ETFDH: variants seen among roughly 807,000 people sequenced by gnomAD.
The protein encoded by ETFDH is electron transfer flavoprotein dehydrogenase, also known as electron transfer flavoprotein-ubiquinone oxidoreductase, mitochondrial.
In ETFDH, 61 loss-of-function variants were observed where a neutral mutation model predicts 73.2. The observed-to-expected ratio is 0.83, with a 90% CI of 0.68 to 1.03. The LOEUF is 1.03. Ranked by LOEUF, ETFDH falls within the 50% of genes least tolerant of loss-of-function variation. The pLI, the probability that ETFDH is intolerant of heterozygous loss-of-function variation, is 0.00. For missense variants in ETFDH, 685 were observed against 745.0 expected (o/e 0.92, Z 0.94); for synonymous variants, 243 against 253.3 (o/e 0.96, Z 0.39).
chr4:158,699,087 G>C lies in ETFDH; in HGVS notation c.1073G>C (p.Arg358Thr), dbSNP rs796051959. 1.9e-6 allele frequency: 3 copies of C among 1,613,906 alleles called. No individual in the cohort carries two copies. The highest frequency in any genetic ancestry group is 2.5e-6 in the Non-Finnish European group (3 of 1,179,938). ...SIRPTLEGGKRIAYGARALNE... is the reference protein window; with the variant it reads ...SIRPTLEGGKTIAYGARALNE... ...CGGCCAACCTTGGAAGGTGGAAAAA[G>C]GATTGCATACGGAGCCAGAGCTCTC... Residue 358 changes from arginine to threonine, a missense_variant, in exon 9 of 13, where the codon AGG becomes ACG. Coordinates refer to ENST00000511912, the MANE Select transcript of ETFDH (RefSeq NM_004453.4).
chr4:158,684,687 A>C lies in ETFDH; in HGVS notation c.487+14A>C. 7.7e-7 allele frequency: 1 copy of C among 1,300,448 alleles called. No individual in the cohort carries two copies. Among genetic ancestry groups the C allele is most frequent in the Non-Finnish European group, 1.1e-6 (1 of 894,012 alleles). The allele number at this position is 1,300,448 out of a possible 1,614,324, so 80.6% of individuals were successfully genotyped here. A position where few individuals can be genotyped will look rare whatever the true frequency, so the allele number is the denominator to read the frequency against. On this transcript the variant is annotated intron_variant, in intron 4 of 12. Coordinates refer to ENST00000511912, the MANE Select transcript of ETFDH (RefSeq NM_004453.4). Reference sequence around the variant, plus strand: ...CAATTCTTCCAGGTAAGGTATAGTGAATATGCATAGAACTATGGAATTCCA... The same window carrying C: ...CAATTCTTCCAGGTAAGGTATAGTGCATATGCATAGAACTATGGAATTCCA...
Position 158,706,334 on chromosome 4 carries a change from A to G in ETFDH, c.1431A>G (p.Ile477Met), listed in dbSNP as rs2126315307. The stretch of plus-strand genomic sequence containing the variant: ...TTTACACTGGAATCTTTTACTGGAT[A>G]TTGAGAGGAATGGAGCCGTGGACTC... Reference protein sequence around the residue: ...GMIYTGIFYWILRGMEPWTLK... With the variant: ...GMIYTGIFYWMLRGMEPWTLK... Residue 477 changes from isoleucine (I) to methionine (M), a missense_variant, in exon 11 of 13, where the codon ATA becomes ATG. By Grantham distance (10) the Ile-to-Met change is conservative. This residue lies in a region of ETFDH where 201 missense variants were observed against 225.2 expected (regional missense o/e 0.89). Transcript: ENST00000511912. 1 of 1,613,664 alleles carries G rather than the reference A, an allele frequency of 6.2e-7. No homozygotes were observed. The highest frequency in any genetic ancestry group is 1.7e-5 in the Admixed American group (1 of 60,022).
rs145487395 is a variant in ETFDH at position 158,693,156 on chromosome 4, C to T, written c.685-2341C>T. ...TCTCCCTGCGATTTCACTGAAACAG[C>T]TCTTGTTAGAGTCACAAATACCTCC... On this transcript the variant is annotated intron_variant, in intron 6 of 12. Transcript: ENST00000511912. Among the ~76,000 whole-genome samples, 232 of 152,274 alleles carry T rather than the reference C, an allele frequency of 1.5e-3. 3 individuals carry two copies. Among genetic ancestry groups the T allele is most frequent in the African/African-American group, 5.1e-3 (211 of 41,552 alleles).
chr4:158,679,310 A>G (rs1376578107), intron 1 of ETFDH: 1 of 152,150 alleles, frequency 6.6e-6, no homozygotes, highest in Non-Finnish European at 1.5e-5. Flanking sequence ...CAAGATGAAC[A>G]GAGCCTGAGA....
intron 11 of ETFDH, 29 bp from the exon 12 acceptor site, chr4:158,706,597 TTTG>T: frequency 6.4e-7 from 1 of 1,551,846 alleles, no homozygotes; most frequent in Non-Finnish European, 8.9e-7. Context: ...AAAATCATAT[TTTG>T]TTAAGCATTT....
At chr4:158,694,031 A>G (rs368018092) in intron 6 of ETFDH, among the ~76,000 whole-genome samples, 70 of 152,322 alleles carry the variant, frequency 4.6e-4, no homozygotes, top group African/African-American at 1.6e-3. Flanking sequence ...CACTCAATCT[A>G]GAATAGCTGG....
chr4:158,682,702 T>A lies in ETFDH; in HGVS notation c.405+278T>A, dbSNP rs545956761. ...GCACCTGCCAACACTCCCAGCTAAT[T>A]TTTTGTATTTTTAGTAGAGACAGGG... On this transcript the variant is annotated intron_variant, in intron 3 of 12. Coordinates refer to ENST00000511912, the MANE Select transcript of ETFDH (RefSeq NM_004453.4). 3.9e-5 allele frequency among the ~76,000 whole-genome samples: 6 copies of A among 151,964 alleles called. No homozygotes were observed. The South Asian group carries it at 1.2e-3, about 32-fold the overall frequency.
chr4:158,706,482 T>G, intron 11 of ETFDH, 111 bp downstream of exon 11: 2 of 1,125,094 alleles, frequency 1.8e-6, no homozygotes, highest in South Asian at 2.5e-5. Context: ...AATTATAAAT[T>G]TAGTGTCTAA....
intron 1 of ETFDH, chr4:158,679,938 A>T (rs1374668753): frequency 6.6e-6 from 1 of 151,602 alleles, no homozygotes; most frequent in Non-Finnish European, 1.5e-5. Context: ...TCCAAAAATT[A>T]GCTGGGTGTG....
chr4:158,680,577 T>C lies in ETFDH; in HGVS notation c.145T>C (p.Tyr49His). ...VPRITTHYTI[Y>H]PRDKDKRWEG... Reference sequence around the variant, plus strand: ...TCGAATTACTACCCATTATACTATTTATCCCCGGGATAAGGACAAGAGATG... The same window carrying C: ...TCGAATTACTACCCATTATACTATTCATCCCCGGGATAAGGACAAGAGATG... Residue 49 changes from tyrosine (Y) to histidine (H), a missense_variant, in exon 2 of 13, where the codon TAT becomes CAT. Physicochemically the swap from Tyr to His is moderately conservative, Grantham distance 83. Around this residue, in one of 3 missense-constraint regions of ETFDH, gnomAD observed 405 missense variants for 399.3 expected, o/e 1.01. Transcript: ENST00000511912. The C allele has an allele frequency of 1.2e-6, 2 of 1,610,446 alleles. No homozygotes were observed. The highest frequency in any genetic ancestry group is 2.2e-5 in the South Asian group (2 of 91,020).
chr4:158,704,605 A>G (rs75369557), intron 10 of ETFDH, among the ~76,000 whole-genome samples: 1 of 152,156 alleles, frequency 6.6e-6, no homozygotes, highest in Admixed American at 6.5e-5. Flanking sequence ...GGTACATTAT[A>G]TTACTTACTT....
chr4:158,703,450 G>A lies in ETFDH; in HGVS notation c.1144G>A (p.Gly382Ser), dbSNP rs2126309213. The change falls in exon 10 of 13, where the codon GGT becomes AGT. Residue 382 changes from glycine to serine, a missense_variant. Physicochemically the swap from Gly to Ser is moderately conservative, Grantham distance 56. This residue lies in a region of ETFDH where 79 missense variants were observed against 120.5 expected (regional missense o/e 0.66). Transcript: ENST00000511912. ...QSIPKLTFPG[G>S]LLIGCSPGFM... ...TATACCAAAACTCACCTTTCCTGGT[G>A]GTTTACTAATTGGTTGTAGTCCTGG... 6.2e-7 allele frequency: 1 copy of A among 1,612,170 alleles called. No individual in the cohort carries two copies. Among genetic ancestry groups the A allele is most frequent in the Non-Finnish European group, 8.5e-7 (1 of 1,178,360 alleles).
At chr4:158,707,781 GTTCTC>G (rs1472467476) in intron 12 of ETFDH, among the ~76,000 whole-genome samples, 1 of 152,202 alleles carries the variant, frequency 6.6e-6, no homozygotes, top group Non-Finnish European at 1.5e-5. Flanking sequence ...AAAGGAGAAA[GTTCTC>G]TATAAAGAGA....
At position 158,707,305 on chromosome 4, in the gene ETFDH, A is replaced by AT. The variant is rs751497217; in HGVS notation, c.1690+456dup. 6.8e-4 allele frequency among the ~76,000 whole-genome samples: 104 copies of AT among 152,224 alleles called. 1 individual carries two copies. The highest frequency in any genetic ancestry group is 1.9e-4 in the Non-Finnish European group (13 of 68,034). ...TACAGTAATAGGAACCAGGTCTCAA[A>AT]TGATATGGTAGAACAAAATAGTATT... On this transcript the variant is annotated intron_variant, in intron 12 of 12. Transcript: ENST00000511912.
intron 6 of ETFDH, 77 bp from the exon 7 acceptor site, chr4:158,695,420 T>C: frequency 8.6e-7 from 1 of 1,163,026 alleles, no homozygotes; most frequent in Non-Finnish European, 1.3e-6. Context: ...GAATCATAGT[T>C]CAATTTAAAT....
intron 3 of ETFDH, among the ~76,000 whole-genome samples, chr4:158,683,268 C>T (rs781775531): frequency 2.8e-4 from 43 of 152,080 alleles, no homozygotes; most frequent in Non-Finnish European, 4.4e-4. Context: ...TCAATTTTTT[C>T]TTCTCTAAGA....
chr4:158,709,496 C>T lies in ETFDH; in HGVS notation c.*969C>T, dbSNP rs912427265. On this transcript the variant is annotated 3_prime_UTR_variant, in exon 13 of 13. Transcript: ENST00000511912. ...GCAGTGAGCCGAGATTGCGCCACCG[C>T]ACTCCAGCCTGGGTGACAGAGCAAG... is the stretch of plus-strand genomic sequence containing the variant. The T allele has an allele frequency of 7.7e-5, 23 of 297,826 alleles. No homozygotes were observed. Among genetic ancestry groups the T allele is most frequent in the Admixed American group, 3.1e-4 (6 of 19,402 alleles). The allele number at this position is 297,826 out of a possible 1,614,324, so 18.4% of individuals were successfully genotyped here.
chr4:158,703,699 A>G (rs1200963112), intron 10 of ETFDH, 108 bp downstream of exon 10: 6 of 731,606 alleles, frequency 8.2e-6, no homozygotes, highest in African/African-American at 1.7e-5. Context: ...GAAAGTATTA[A>G]TAAGCATGCT....
chr4:158,689,182 T>A (rs184352853), intron 5 of ETFDH, among the ~76,000 whole-genome samples: 118 of 152,358 alleles, frequency 7.7e-4, no homozygotes, highest in African/African-American at 2.4e-3. Flanking sequence ...CAGTTTTTTT[T>A]ATTTGTTTTT....
Sources: allele counts gnomAD v4.1 joint callset (sites outside exome capture counted in the v4.1 genomes callset), GRCh38; gene constraint gnomAD v4.1.1; regional missense constraint gnomAD v4.1.1; transcripts MANE v1.5; gene names NCBI Gene and HGNC (gene_info 2026-07-23, HGNC 2026-07-21).